Variants in ID2 observed in about 807,000 individuals in gnomAD.
ID2 encodes DNA-binding protein inhibitor ID-2.
A neutral mutation model predicts 8.3 loss-of-function variants in ID2; 2 were observed. That is an observed-to-expected ratio of 0.24 (90% confidence interval 0.10 to 0.76). The LOEUF is 0.76. ID2 is among the 30% of genes least tolerant of loss of function. ID2 has a pLI of 0.73. For missense variants in ID2, 155 were observed against 167.0 expected (o/e 0.93, Z 0.40); for synonymous variants, 112 against 72.3 (o/e 1.55, Z -2.79).
At chr2:8,682,948 G>C in intron 2 of ID2, 42 bp downstream of exon 2, 1 of 1,474,966 alleles carries the variant, frequency 6.8e-7, no homozygotes, top group African/African-American at 1.4e-5. Flanking sequence ...ACTGCCCCTC[G>C]GTGTGTGTGC....
rs1572356224 is a variant in ID2, at chr2:8,682,106, G to A, written c.-60G>A. 1 of 1,368,814 alleles carries A rather than the reference G, an allele frequency of 7.3e-7. No individual in the cohort carries two copies. Among genetic ancestry groups the A allele is most frequent in the Non-Finnish European group, 1.0e-6 (1 of 979,296 alleles). The allele number at this position is 1,368,814 out of a possible 1,614,324, so 84.8% of individuals were successfully genotyped here. A position where few individuals can be genotyped will look rare whatever the true frequency, so the allele number is the denominator to read the frequency against. Reference sequence around the variant, plus strand: ...CGCAGCTAGCTCAGCAGGCGGCAGCGGCGGCCTGAGCTTCAGGGCAGCCAG... The same window carrying A: ...CGCAGCTAGCTCAGCAGGCGGCAGCAGCGGCCTGAGCTTCAGGGCAGCCAG... On this transcript the variant is annotated 5_prime_UTR_variant, in exon 1 of 3. Coordinates refer to ENST00000396290, the MANE Select transcript of ID2 (RefSeq NM_002166.5).
rs1235810632 is a variant in ID2 at position 8,684,315 on chromosome 2, T to G, written c.*638T>G. 6.6e-6 allele frequency: 1 copy of G among 152,542 alleles called. No individual in the cohort carries two copies. The highest frequency in any genetic ancestry group is 2.4e-5 in the African/African-American group (1 of 41,436). 9.4% of individuals were successfully genotyped at this position (152,542 alleles called of 1,614,324 possible). On this transcript the variant is annotated 3_prime_UTR_variant, in exon 3 of 3. Coordinates refer to ENST00000396290, the MANE Select transcript of ID2 (RefSeq NM_002166.5). ...TACAAAATAAATCAAGTGTGTTTAT[T>G]GAATGGTGATTGCCTGCTTTATTTC...
intron 2 of ID2, 25 bp downstream of exon 2, chr2:8,682,931 T>G (rs1340311364): frequency 6.3e-7 from 1 of 1,588,798 alleles, no homozygotes. Context: ...GTGCCACCCG[T>G]GGGTAAACTG....
rs1213565344 is a variant in ID2, at chr2:8,683,668, C to G, written c.*8-17C>G. On this transcript the variant is annotated splice_polypyrimidine_tract_variant and intron_variant, in intron 2 of 2. Coordinates refer to ENST00000396290, the MANE Select transcript of ID2 (RefSeq NM_002166.5). ...TACATTCTCTTAAACATGCCTTTCT[C>G]CCCCACTCTTTCGCAGGTGTTCATG... 6.6e-6 allele frequency: 1 copy of G among 152,418 alleles called. No homozygotes were observed. The highest frequency in any genetic ancestry group is 1.5e-5 in the Non-Finnish European group (1 of 68,048). 9.4% of individuals were successfully genotyped at this position (152,418 alleles called of 1,614,324 possible).
Position 8,682,849 on chromosome 2 carries a change from G to C in ID2, c.355G>C (p.Glu119Gln). The C allele has an allele frequency of 6.2e-7, 1 of 1,610,922 alleles. No individual in the cohort carries two copies. Among genetic ancestry groups the C allele is most frequent in the Non-Finnish European group, 8.5e-7 (1 of 1,178,392 alleles). The change falls in exon 2 of 3, where the codon GAA (glutamate) becomes CAA (glutamine). Residue 119 changes from glutamate to glutamine, a missense_variant. Coordinates refer to ENST00000396290, the MANE Select transcript of ID2 (RefSeq NM_002166.5). ...DISILSLQASEFPSELMSNDS... is the reference protein window; with the variant it reads ...DISILSLQASQFPSELMSNDS... ...TTATCCTCTTTCTTTCCAGGCTTCT[G>C]AATTCCCTTCTGAGTTAATGTCAAA... is the stretch of plus-strand genomic sequence containing the variant.
At position 8,684,148 on chromosome 2, in the gene ID2, T is replaced by G. The variant is rs901069258; in HGVS notation, c.*471T>G. 5 of 152,268 alleles carry G rather than the reference T, an allele frequency of 3.3e-5. No homozygotes were observed. Among genetic ancestry groups the G allele is most frequent in the African/African-American group, 9.7e-5 (4 of 41,440 alleles). The allele number at this position is 152,268 out of a possible 1,614,324, so 9.4% of individuals were successfully genotyped here. A position where few individuals can be genotyped will look rare whatever the true frequency, so the allele number is the denominator to read the frequency against. ...TATATTTATATATAAATATATCTAT[T>G]TGAGTGAAACCTTGTGAACTCTTTA... On this transcript the variant is annotated 3_prime_UTR_variant, in exon 3 of 3. Coordinates refer to ENST00000396290, the MANE Select transcript of ID2 (RefSeq NM_002166.5).
chr2:8,683,094 C>T (rs554635392), intron 2 of ID2, 188 bp downstream of exon 2: 20 of 607,692 alleles, frequency 3.3e-5, no homozygotes, highest in Middle Eastern at 3.5e-4. Flanking sequence ...TGCTCGAGAT[C>T]ACAGAACATT....
In ID2 at chr2:8,682,943, C is replaced by G. The variant is rs372282921; in HGVS notation, c.*7+37C>G. 2.0e-6 allele frequency: 3 copies of G among 1,535,274 alleles called. No homozygotes were observed. The Admixed American group carries it at 5.0e-5, about 26-fold the overall frequency. On this transcript the variant is annotated intron_variant, in intron 2 of 2. Transcript: ENST00000396290. ...CTTGTGCCACCCGTGGGTAAACTGCCCCTCGGTGTGTGTGCGCGCGCGCGC... is the reference window on the plus strand; with the variant it reads ...CTTGTGCCACCCGTGGGTAAACTGCGCCTCGGTGTGTGTGCGCGCGCGCGC...
In ID2 at chr2:8,682,148, C is replaced by T. The variant is rs1269301783; in HGVS notation, c.-18C>T. On this transcript the variant is annotated 5_prime_UTR_variant, in exon 1 of 3. Transcript: ENST00000396290. ...GGCAGCCAGCTCCCTCCCGGTCTCG[C>T]CTTCCCTCGCGGTCAGCATGAAAGC... The T allele has an allele frequency of 6.2e-6, 10 of 1,602,492 alleles. No individual in the cohort carries two copies. Among genetic ancestry groups the T allele is most frequent in the Admixed American group, 3.3e-5 (2 of 59,778 alleles).
chr2:8,682,544 C>A, intron 1 of ID2, 31 bp downstream of exon 1: 1 of 1,526,042 alleles, frequency 6.6e-7, no homozygotes, highest in South Asian at 1.1e-5. Flanking sequence ...CCCGCCCCGC[C>A]GCCGCACACT....
At chr2:8,682,771 A>AC in intron 1 of ID2, 72 bp from the exon 2 acceptor site, 1 of 1,094,772 alleles carries the variant, frequency 9.1e-7, no homozygotes. Flanking sequence ...ACAAAAAAAA[A>AC]AAAAAAAAAA....
At position 8,682,115 on chromosome 2, in the gene ID2, A is replaced by G. The variant is rs763895722; in HGVS notation, c.-51A>G. The G allele has an allele frequency of 1.4e-6, 2 of 1,466,548 alleles. No homozygotes were observed. Among genetic ancestry groups the G allele is most frequent in the Non-Finnish European group, 1.9e-6 (2 of 1,062,014 alleles). The allele number at this position is 1,466,548 out of a possible 1,614,324, so 90.8% of individuals were successfully genotyped here. ...CTCAGCAGGCGGCAGCGGCGGCCTG[A>G]GCTTCAGGGCAGCCAGCTCCCTCCC... On this transcript the variant is annotated 5_prime_UTR_variant, in exon 1 of 3. Coordinates refer to ENST00000396290, the MANE Select transcript of ID2 (RefSeq NM_002166.5).
At chr2:8,682,711 C>T (rs1405841605) in intron 1 of ID2, 132 bp from the exon 2 acceptor site, 4 of 775,800 alleles carry the variant, frequency 5.2e-6, no homozygotes, top group Admixed American at 4.8e-5. Context: ...GTCTTTAAAT[C>T]TGAATTGTTA....
intron 2 of ID2, 83 bp downstream of exon 2, chr2:8,682,989 C>A: frequency 2.0e-6 from 2 of 1,001,540 alleles, no homozygotes; most frequent in Non-Finnish European, 3.2e-6. Flanking sequence ...GCTTGTGTAT[C>A]TATAAAATGT....
At position 8,682,279 on chromosome 2, in the gene ID2, C is replaced by T. The variant is rs1253721771; in HGVS notation, c.114C>T (p.Asn38=). ...ACGACCCGATGAGCCTGCTATACAA[C>T]ATGAACGACTGCTACTCCAAGCTCA... The part of the protein sequence containing the change: ...PVDDPMSLLY[N]MNDCYSKLKE... Residue 38 remains asparagine, a synonymous_variant, in exon 1 of 3, where the codon AAC becomes AAT. Coordinates refer to ENST00000396290, the MANE Select transcript of ID2 (RefSeq NM_002166.5). 2.5e-6 allele frequency: 4 copies of T among 1,614,042 alleles called. No homozygotes were observed. The highest frequency in any genetic ancestry group is 1.1e-5 in the South Asian group (1 of 91,090).
At chr2:8,682,791 TTTC>T in intron 1 of ID2, 49 bp from the exon 2 acceptor site, 1 of 1,188,908 alleles carries the variant, frequency 8.4e-7, no homozygotes, top group East Asian at 2.3e-5. Flanking sequence ...AAAAAAACCC[TTTC>T]TACTTAACAT....
intron 2 of ID2, 82 bp downstream of exon 2, chr2:8,682,988 T>A: frequency 9.9e-7 from 1 of 1,014,622 alleles, no homozygotes; most frequent in Non-Finnish European, 1.6e-6. Context: ...TGCTTGTGTA[T>A]CTATAAAATG....
intron 2 of ID2, 86 bp downstream of exon 2, chr2:8,682,992 T>A: frequency 1.0e-6 from 1 of 985,756 alleles, no homozygotes; most frequent in Non-Finnish European, 1.6e-6. Flanking sequence ...TGTGTATCTA[T>A]AAAATGTCTG....
chr2:8,683,639 A>G (rs1436671660), intron 2 of ID2, 46 bp from the exon 3 acceptor site: 1 of 152,356 alleles, frequency 6.6e-6, no homozygotes, highest in Admixed American at 6.5e-5. Flanking sequence ...CTCTGCCCTT[A>G]GGTTACATTC....
Sources: gnomAD v4.1 joint callset for allele counts on GRCh38, gnomAD v4.1.1 for gene constraint, MANE v1.5 for transcripts, NCBI Gene and HGNC (gene_info 2026-07-23, HGNC 2026-07-21) for gene names.